Variants in OR9Q1 observed in about 807,000 individuals in gnomAD.
OR9Q1 encodes the protein olfactory receptor 9Q1.
For missense variants in OR9Q1, 374 were observed against 378.8 expected, an observed-to-expected ratio of 0.99 and a Z score of 0.11; for synonymous variants, 153 against 148.6, an observed-to-expected ratio of 1.03 and a Z score of -0.22.
At chr11:58,158,270 C>A (rs939844071) in intron 2 of OR9Q1, among the ~76,000 whole-genome samples, 2 of 152,186 alleles carry the variant, frequency 1.3e-5, no homozygotes, top group African/African-American at 4.8e-5. Context: ...GTTCTCACCA[C>A]CAGACTGACC....
intron 2 of OR9Q1, among the ~76,000 whole-genome samples, chr11:58,128,017 T>G (rs796459374): frequency 6.6e-6 from 1 of 152,094 alleles, no homozygotes; most frequent in Non-Finnish European, 1.5e-5. Flanking sequence ...TTGAAAAAAA[T>G]TTTTGACACT....
chr11:58,178,941 TAA>T (rs1376410307), intron 2 of OR9Q1, among the ~76,000 whole-genome samples: 9 of 97,650 alleles, frequency 9.2e-5, no homozygotes, highest in Admixed American at 1.1e-4. Flanking sequence ...TATTTATATA[TAA>T]TATATATTTA....
intron 1 of OR9Q1, among the ~76,000 whole-genome samples, chr11:58,025,568 G>T (rs1056399853): frequency 6.6e-6 from 1 of 152,156 alleles, no homozygotes; most frequent in Non-Finnish European, 1.5e-5. Flanking sequence ...GTTGGGGCAG[G>T]GGGGAAGAGG....
chr11:58,067,035 CTTTT>C (rs11301127), intron 2 of OR9Q1, among the ~76,000 whole-genome samples: 1 of 140,224 alleles, frequency 7.1e-6, no homozygotes. Context: ...GGCTTGAATT[CTTTT>C]TTTTTTTTTT....
rs1207597826 is a variant in OR9Q1, at chr11:58,074,702, T to C, written c.-15+18755T>C. Among the ~76,000 whole-genome samples, 4 of 152,196 alleles carry C rather than the reference T, an allele frequency of 2.6e-5. No homozygotes were observed. The East Asian group carries it at 5.8e-4, about 22-fold the overall frequency. ...GCCCATGCCTATGTCCTGAGTGGTA[T>C]TGCCTAGGTTTTCTTCTAGGATTTT... On this transcript the variant is annotated intron_variant, in intron 2 of 2. Transcript: ENST00000335397.
At chr11:58,175,999 T>G (rs1854603196) in intron 2 of OR9Q1, among the ~76,000 whole-genome samples, 2 of 152,134 alleles carry the variant, frequency 1.3e-5, no homozygotes, top group Non-Finnish European at 2.9e-5. Context: ...TGTGTTCATT[T>G]GCATTTAAAG....
chr11:58,123,562 T>C (rs949341231), intron 2 of OR9Q1, among the ~76,000 whole-genome samples: 2 of 152,194 alleles, frequency 1.3e-5, no homozygotes, highest in Admixed American at 6.5e-5. Context: ...CCTGAAGCCC[T>C]CCAAGTTGGG....
chr11:58,062,137 G>T (rs927532605), intron 2 of OR9Q1, among the ~76,000 whole-genome samples: 1 of 152,176 alleles, frequency 6.6e-6, no homozygotes, highest in Non-Finnish European at 1.5e-5. Flanking sequence ...CCAACATTGT[G>T]TTGGCTGGTC....
At chr11:58,126,302 T>C (rs911121157) in intron 2 of OR9Q1, among the ~76,000 whole-genome samples, 4 of 152,232 alleles carry the variant, frequency 2.6e-5, no homozygotes, top group Non-Finnish European at 4.4e-5. Context: ...TCATCTCCTC[T>C]GCTGGATTGT....
At chr11:58,094,637 ATATGT>A (rs2120072526) in intron 2 of OR9Q1, among the ~76,000 whole-genome samples, 2 of 152,304 alleles carry the variant, frequency 1.3e-5, no homozygotes, top group East Asian at 1.9e-4. Context: ...ACATTTAGTG[ATATGT>A]TATATGACTG....
intron 2 of OR9Q1, among the ~76,000 whole-genome samples, chr11:58,122,406 T>G (rs1854042688): frequency 6.6e-6 from 1 of 152,198 alleles, no homozygotes; most frequent in South Asian, 2.1e-4. Context: ...TGAGTAAACT[T>G]CAAACGTTTA....
intron 1 of OR9Q1, among the ~76,000 whole-genome samples, chr11:58,048,677 A>AT (rs796426109): frequency 0.059 from 6,481 of 109,764 alleles, 188 homozygotes; most frequent in Admixed American, 0.07. Context: ...CTTAAAAAAA[A>AT]AAATATATAT....
rs375314389 is a variant in OR9Q1, at chr11:58,179,550, C to A, written c.106C>A (p.Leu36Ile). ...PLFLLFLFMY[L>I]ITVLGNLEMI... ...CTTCCTCTTGTTTTTATTTATGTAT[C>A]TCATCACCGTATTGGGGAACTTAGA... The change falls in exon 3 of 3, where the codon CTC becomes ATC. Residue 36 changes from leucine to isoleucine, a missense_variant. Transcript: ENST00000335397. The A allele has an allele frequency of 6.0e-5, 97 of 1,612,840 alleles. 1 individual carries two copies. The African/African-American group carries it at 1.1e-3, about 19-fold the overall frequency.
intron 2 of OR9Q1, among the ~76,000 whole-genome samples, chr11:58,058,271 A>G (rs559330158): frequency 6.6e-6 from 1 of 152,302 alleles, no homozygotes; most frequent in African/African-American, 2.4e-5. Context: ...CAGTTAGATC[A>G]GGAAGTTTGA....
intron 1 of OR9Q1, among the ~76,000 whole-genome samples, chr11:58,040,239 T>C (rs1853147631): frequency 6.6e-6 from 1 of 152,204 alleles, no homozygotes; most frequent in Non-Finnish European, 1.5e-5. Flanking sequence ...ACTTTAAATA[T>C]CTACCTTTTG....
chr11:58,069,676 C>A (rs549126504), intron 2 of OR9Q1, among the ~76,000 whole-genome samples: 1 of 152,154 alleles, frequency 6.6e-6, no homozygotes, highest in East Asian at 2.0e-4. Context: ...GAGTTTGAGA[C>A]CAGCCTTGGC....
At chr11:58,101,636 A>G (rs555735683) in intron 2 of OR9Q1, among the ~76,000 whole-genome samples, 21 of 152,072 alleles carry the variant, frequency 1.4e-4, no homozygotes, top group Non-Finnish European at 2.1e-4. Flanking sequence ...TTTTAGTTTA[A>G]TTAGGTCCCA....
chr11:58,037,978 G>T (rs1853125080), intron 1 of OR9Q1, among the ~76,000 whole-genome samples: 1 of 147,604 alleles, frequency 6.8e-6, no homozygotes, highest in East Asian at 2.0e-4. Flanking sequence ...TGATCCGCCT[G>T]CCTCGGCCTC....
chr11:58,155,443 GTACT>G (rs557004006), intron 2 of OR9Q1, among the ~76,000 whole-genome samples: 16 of 152,336 alleles, frequency 1.1e-4, no homozygotes, highest in Admixed American at 2.0e-4. Flanking sequence ...GTGTGGTTTA[GTACT>G]TACTTTTAAG....
Sources: gnomAD v4.1 joint callset for allele counts (sites outside exome capture counted in the v4.1 genomes callset) on GRCh38, gnomAD v4.1.1 for gene constraint, MANE v1.5 for transcripts, NCBI Gene and HGNC (gene_info 2026-07-23, HGNC 2026-07-21) for gene names.